Variants in DMXL1 observed in about 807,000 individuals in gnomAD.
DMXL1 encodes the protein dmX-like protein 1.
In DMXL1, 99 loss-of-function variants were observed where a neutral mutation model predicts 319.2. That is an observed-to-expected ratio of 0.31 (90% CI 0.26 to 0.37). The LOEUF (loss-of-function observed/expected upper bound fraction) is 0.37. Among genes scored for constraint, DMXL1 ranks in the 10% least tolerant of loss-of-function variants. DMXL1 has a pLI of 1.00. For missense variants in DMXL1, 3,745 were observed against 3,595.6 expected, an observed-to-expected ratio of 1.04 and a Z score of -1.06; for synonymous variants, 1,385 against 1,235.2, an observed-to-expected ratio of 1.12 and a Z score of -2.54.
intron 19 of DMXL1, among the ~76,000 whole-genome samples, chr5:119,159,571 T>C (rs919967188): frequency 6.6e-6 from 1 of 152,258 alleles, no homozygotes; most frequent in Non-Finnish European, 1.5e-5. Context: ...TTATGATTAT[T>C]TGTGGTATCA....
intron 9 of DMXL1, among the ~76,000 whole-genome samples, chr5:119,123,616 GTTAC>G (rs1222585344): frequency 1.3e-5 from 2 of 152,164 alleles, no homozygotes; most frequent in Non-Finnish European, 2.9e-5. Context: ...TATTTGAACT[GTTAC>G]TTAATAAAGG....
At chr5:119,104,718 T>G (rs755293795) in intron 3 of DMXL1, among the ~76,000 whole-genome samples, 8 of 152,140 alleles carry the variant, frequency 5.3e-5, no homozygotes, top group Non-Finnish European at 7.3e-5. Context: ...AAGGGAAAAA[T>G]TTCGCTTTAA....
At chr5:119,146,103 A>G (rs1768465821) in intron 15 of DMXL1, among the ~76,000 whole-genome samples, 1 of 151,844 alleles carries the variant, frequency 6.6e-6, no homozygotes, top group Non-Finnish European at 1.5e-5. Context: ...TTGCTATGCA[A>G]ATTTATAAAA....
At chr5:119,148,686 C>A in intron 17 of DMXL1, 53 bp from the exon 18 acceptor site, 1 of 1,536,946 alleles carries the variant, frequency 6.5e-7, no homozygotes, top group Non-Finnish European at 8.8e-7. Context: ...TACATAAAAA[C>A]AGAAGTATTT....
intron 1 of DMXL1, among the ~76,000 whole-genome samples, chr5:119,077,896 C>T (rs1188028705): frequency 7.0e-6 from 1 of 142,274 alleles, no homozygotes; most frequent in South Asian, 2.2e-4. Flanking sequence ...TACACACACA[C>T]ACACGTATAT....
chr5:119,215,454 C>T (rs543324140), intron 34 of DMXL1, among the ~76,000 whole-genome samples: 6 of 152,082 alleles, frequency 3.9e-5, no homozygotes, highest in Admixed American at 2.6e-4. Context: ...ATTACCGATG[C>T]GCACCATCAC....
intron 5 of DMXL1, among the ~76,000 whole-genome samples, chr5:119,113,709 A>C (rs1436942452): frequency 1.3e-5 from 2 of 152,250 alleles, no homozygotes; most frequent in South Asian, 4.1e-4. Context: ...GTACTGGTGA[A>C]AAATGTAAAT....
chr5:119,190,897 G>A (rs1390208900), intron 29 of DMXL1, among the ~76,000 whole-genome samples: 4 of 152,190 alleles, frequency 2.6e-5, no homozygotes, highest in Non-Finnish European at 4.4e-5. Context: ...TCTTAGAAAT[G>A]TGACAGTTTG....
chr5:119,125,338 A>T (rs571735907), intron 9 of DMXL1, among the ~76,000 whole-genome samples: 1 of 152,312 alleles, frequency 6.6e-6, no homozygotes, highest in African/African-American at 2.4e-5. Context: ...ATGATCTATA[A>T]ATGCATTTCC....
intron 22 of DMXL1, 98 bp from the exon 23 acceptor site, chr5:119,167,505 T>C (rs1773672916): frequency 1.0e-6 from 1 of 988,938 alleles, no homozygotes; most frequent in Non-Finnish European, 1.5e-6. Flanking sequence ...TGGATATTTA[T>C]AAGCCTTTAT....
intron 34 of DMXL1, among the ~76,000 whole-genome samples, chr5:119,215,543 C>A (rs557042647): frequency 5.3e-5 from 8 of 151,982 alleles, no homozygotes; most frequent in African/African-American, 1.7e-4. Context: ...GTACTTTTCT[C>A]CATGTTGGCC....
intron 1 of DMXL1, 69 bp downstream of exon 1, chr5:119,071,725 C>G: frequency 7.0e-7 from 1 of 1,421,340 alleles, no homozygotes; most frequent in Non-Finnish European, 9.4e-7. Context: ...CGAGCTTGGC[C>G]CAGAACGACG....
chr5:119,235,150 G>A (rs1043701070), intron 39 of DMXL1, among the ~76,000 whole-genome samples: 3 of 152,062 alleles, frequency 2.0e-5, no homozygotes, highest in African/African-American at 7.2e-5. Context: ...TAATTCTGAT[G>A]AATTGGATAT....
chr5:119,195,929 G>C (rs1356155524), intron 30 of DMXL1, among the ~76,000 whole-genome samples: 1 of 151,874 alleles, frequency 6.6e-6, no homozygotes, highest in Non-Finnish European at 1.5e-5. Context: ...ACTTTTATTA[G>C]CTTCTGGTTT....
intron 5 of DMXL1, among the ~76,000 whole-genome samples, chr5:119,111,966 A>ATT (rs1293661654): frequency 1.1e-4 from 17 of 148,028 alleles, no homozygotes; most frequent in African/African-American, 3.7e-4. Context: ...TATTATCTTT[A>ATT]TTTTTTTTTT....
At chr5:119,173,396 G>A (rs1775001987) in intron 25 of DMXL1, among the ~76,000 whole-genome samples, 1 of 149,674 alleles carries the variant, frequency 6.7e-6, no homozygotes, top group Non-Finnish European at 1.5e-5. Flanking sequence ...GGCTTAAAAA[G>A]CCATCATTTA....
At chr5:119,188,308 C>T (rs985243034) in intron 28 of DMXL1, among the ~76,000 whole-genome samples, 1 of 152,046 alleles carries the variant, frequency 6.6e-6, no homozygotes, top group Non-Finnish European at 1.5e-5. Context: ...GTGGCACAAG[C>T]CTGTAGTCCC....
At chr5:119,099,432 A>G (rs116348108) in intron 2 of DMXL1, among the ~76,000 whole-genome samples, 3,374 of 152,210 alleles carry the variant, frequency 0.022, 68 homozygotes, top group Non-Finnish European at 0.038. Flanking sequence ...TCTGGTTTCA[A>G]TCTCCTGACC....
At chr5:119,125,552 A>G (rs1029716841) in intron 9 of DMXL1, among the ~76,000 whole-genome samples, 4 of 152,006 alleles carry the variant, frequency 2.6e-5, no homozygotes, top group East Asian at 3.8e-4. Context: ...GTGTATATAT[A>G]TATGTAATTA....
Sources: gnomAD v4.1 joint callset for allele counts (sites outside exome capture counted in the v4.1 genomes callset) on GRCh38, gnomAD v4.1.1 for gene constraint, MANE v1.5 for transcripts, NCBI Gene and HGNC (gene_info 2026-07-23, HGNC 2026-07-21) for gene names.